The following STARD3 variants were observed in gnomAD, a reference collection of about 807,000 sequenced individuals.
STARD3 encodes stAR-related lipid transfer protein 3.
Under a neutral mutation model 62.0 loss-of-function variants are expected in STARD3, and 39 were observed. That is an observed-to-expected ratio of 0.63 (90% confidence interval 0.49 to 0.82). STARD3 has a LOEUF of 0.82. Ranked by LOEUF, STARD3 falls within the 40% of genes least tolerant of loss-of-function variation. STARD3 has a pLI of 0.00. For synonymous variants in STARD3, 229 were observed against 242.4 expected, an observed-to-expected ratio of 0.94 and a Z score of 0.51; for missense variants, 543 against 584.5, an observed-to-expected ratio of 0.93 and a Z score of 0.73.
Position 39,662,263 on chromosome 17 carries a change from C to T in STARD3, c.1152C>T (p.Gly384=), listed in dbSNP as rs1417313403. 6.2e-7 allele frequency: 1 copy of T among 1,613,854 alleles called. No individual in the cohort carries two copies. The highest frequency in any genetic ancestry group is 8.5e-7 in the Non-Finnish European group (1 of 1,179,926). Reference sequence around the variant, plus strand: ...CCTCTTTCCATAGGGGAGAGAATGGCCCTGGGGGCTTCATCGTGCTCAAGT... The same window carrying T: ...CCTCTTTCCATAGGGGAGAGAATGGTCCTGGGGGCTTCATCGTGCTCAAGT... ...PTHKYVRGEN[G]PGGFIVLKSA... is the part of the protein sequence containing the mutation. The change falls in exon 14 of 15, where the codon GGC becomes GGT. Residue 384 remains glycine (G), a synonymous_variant. Transcript: ENST00000336308.
chr17:39,663,209 C>T lies in STARD3; in HGVS notation c.*301C>T, dbSNP rs1374875192. On this transcript the variant is annotated 3_prime_UTR_variant, in exon 15 of 15. Coordinates refer to ENST00000336308, the MANE Select transcript of STARD3 (RefSeq NM_006804.4). ...GCCAGGGCAGGGTCTGGGCTGGGCA[C>T]CTGACTTGGCTGGGGAGGACCAGGG... The T allele has an allele frequency of 3.6e-5, 15 of 415,112 alleles. No homozygotes were observed. The highest frequency in any genetic ancestry group is 4.7e-5 in the Non-Finnish European group (11 of 236,344). The allele number at this position is 415,112 out of a possible 1,614,324, so 25.7% of individuals were successfully genotyped here.
chr17:39,642,322 T>C (rs2056988985), intron 1 of STARD3, among the ~76,000 whole-genome samples: 1 of 152,184 alleles, frequency 6.6e-6, no homozygotes, highest in Non-Finnish European at 1.5e-5. Flanking sequence ...GATACCCTGC[T>C]TGAGGACCCC....
At position 39,660,143 on chromosome 17, in the gene STARD3, C is replaced by T; in HGVS notation, c.796-68C>T. On this transcript the variant is annotated intron_variant, in intron 9 of 14. Transcript: ENST00000336308. The surrounding 1 kb of genome is among the most constrained non-coding windows in gnomAD (Gnocchi z 4.8). ...TTAAAAACCTGCCCTGCCTGTCACC[C>T]ATTTCTGTGCCACCAGCCCACCCCC... 6.5e-7 allele frequency: 1 copy of T among 1,546,642 alleles called. No individual in the cohort carries two copies. Among genetic ancestry groups the T allele is most frequent in the Non-Finnish European group, 8.9e-7 (1 of 1,119,138 alleles).
chr17:39,651,736 T>A (rs1323822970), intron 1 of STARD3: 3 of 152,166 alleles, frequency 2.0e-5, no homozygotes, highest in Non-Finnish European at 4.4e-5. Context: ...GCTAATTTTT[T>A]ATTTTGTATT....
intron 14 of STARD3, 63 bp from the exon 15 acceptor site, chr17:39,662,741 C>T (rs928544908): frequency 1.1e-4 from 156 of 1,477,128 alleles, no homozygotes; most frequent in Non-Finnish European, 1.4e-4. Context: ...CTGGTGCCAG[C>T]TGCAAGGGGA....
At position 39,658,540 on chromosome 17, in the gene STARD3, G is replaced by C. The variant is rs2057157189; in HGVS notation, c.547+18G>C. The C allele has an allele frequency of 6.2e-7, 1 of 1,607,922 alleles. No individual in the cohort carries two copies. On this transcript the variant is annotated intron_variant, in intron 6 of 14. Coordinates refer to ENST00000336308, the MANE Select transcript of STARD3 (RefSeq NM_006804.4). Reference sequence around the variant, plus strand: ...GGAGCGATGTGAGTGCTTGCGGGTAGGGGGGTGCAGCGAGGGTTACCCACA... The same window carrying C: ...GGAGCGATGTGAGTGCTTGCGGGTACGGGGGTGCAGCGAGGGTTACCCACA...
chr17:39,659,227 C>T (rs914299257), intron 8 of STARD3, 121 bp downstream of exon 8: 1 of 1,282,136 alleles, frequency 7.8e-7, no homozygotes. Context: ...GGGCAATGCC[C>T]ATCCGAGTGT....
chr17:39,645,920 C>T (rs1462209443), intron 1 of STARD3, among the ~76,000 whole-genome samples: 1 of 102,708 alleles, frequency 9.7e-6, no homozygotes, highest in African/African-American at 3.9e-5. Flanking sequence ...GAGATGGAGT[C>T]TCACTCTGTC....
rs1224810898 is a variant in STARD3 at position 39,645,369 on chromosome 17, C to G, written c.-51-8112C>G. Among the ~76,000 whole-genome samples, 7 of 152,234 alleles carry G rather than the reference C, an allele frequency of 4.6e-5. 1 individual carries two copies. Among genetic ancestry groups the G allele is most frequent in the Admixed American group, 4.6e-4 (7 of 15,284 alleles). ...CACACAGCAGGTGAATTGTAGAGTT[C>G]AGATTTGAACCCACGCCTTTTGGGG... On this transcript the variant is annotated intron_variant, in intron 1 of 14. Coordinates refer to ENST00000336308, the MANE Select transcript of STARD3 (RefSeq NM_006804.4).
chr17:39,657,715 C>G, intron 3 of STARD3, 60 bp from the exon 4 acceptor site: 1 of 1,598,464 alleles, frequency 6.3e-7, no homozygotes, highest in Non-Finnish European at 8.6e-7. Context: ...GGGAGGTCAG[C>G]CTGCAGCAGG....
rs774395284 is a variant in STARD3 at position 39,662,887 on chromosome 17, C to T, written c.1317C>T (p.Ser439=). 5 of 1,611,794 alleles carry T rather than the reference C, an allele frequency of 3.1e-6. No individual in the cohort carries two copies. Among genetic ancestry groups the T allele is most frequent in the Non-Finnish European group, 4.2e-6 (5 of 1,179,304 alleles). ...EFAFHLRQRI[S]ELGARA ...CCTTTCACCTGCGACAGCGCATCAGCGAGCTGGGGGCCCGGGCGTGACTGT... is the reference window on the plus strand; with the variant it reads ...CCTTTCACCTGCGACAGCGCATCAGTGAGCTGGGGGCCCGGGCGTGACTGT... Residue 439 remains serine, a synonymous_variant, in exon 15 of 15, where the codon AGC becomes AGT. Transcript: ENST00000336308.
chr17:39,653,714 G>A lies in STARD3; in HGVS notation c.183G>A (p.Leu61=). The A allele has an allele frequency of 6.2e-7, 1 of 1,614,144 alleles. No individual in the cohort carries two copies. Among genetic ancestry groups the A allele is most frequent in the Non-Finnish European group, 8.5e-7 (1 of 1,180,032 alleles). The change falls in exon 2 of 15, where the codon CTG becomes CTA. Residue 61 remains leucine, a synonymous_variant. Coordinates refer to ENST00000336308, the MANE Select transcript of STARD3 (RefSeq NM_006804.4). ...TCTGTCTCTTCGTCACCTTCGACCT[G>A]CTCTTCATCTCCCTGCTCTGGATCA... ...RTFCLFVTFD[L]LFISLLWIIE...
chr17:39,646,587 G>A (rs572747781), intron 1 of STARD3, among the ~76,000 whole-genome samples: 5 of 152,162 alleles, frequency 3.3e-5, no homozygotes, highest in African/African-American at 9.7e-5. Context: ...TGAGGAAACT[G>A]AGTCTCAGAA....
intron 1 of STARD3, chr17:39,652,441 C>T (rs1375846410): frequency 6.6e-6 from 1 of 152,162 alleles, no homozygotes. Context: ...CAATAAAGAT[C>T]GTTTCAGATA....
chr17:39,654,675 G>T (rs1175166815), intron 2 of STARD3, among the ~76,000 whole-genome samples: 1 of 152,200 alleles, frequency 6.6e-6, no homozygotes, highest in African/African-American at 2.4e-5. Flanking sequence ...CTCGGCTTTG[G>T]CCCGATGACC....
chr17:39,646,064 G>A (rs2057023906), intron 1 of STARD3, among the ~76,000 whole-genome samples: 1 of 150,968 alleles, frequency 6.6e-6, no homozygotes, highest in Non-Finnish European at 1.5e-5. Flanking sequence ...GCTATTTTTT[G>A]TAATTTTAGT....
intron 1 of STARD3, among the ~76,000 whole-genome samples, chr17:39,651,208 ACAGT>A (rs1197516789): frequency 3.3e-5 from 5 of 152,110 alleles, no homozygotes; most frequent in South Asian, 2.1e-4. Flanking sequence ...TCTGCTGCAA[ACAGT>A]CAGTTCCTGT....
At chr17:39,638,206 C>T (rs539136140) in intron 1 of STARD3, among the ~76,000 whole-genome samples, 39 of 152,338 alleles carry the variant, frequency 2.6e-4, no homozygotes, top group Middle Eastern at 3.4e-3. Flanking sequence ...CTTCTGTTAC[C>T]ACGCTGTTGA....
intron 1 of STARD3, among the ~76,000 whole-genome samples, chr17:39,638,673 G>A (rs2144876574): frequency 6.6e-6 from 1 of 152,336 alleles, no homozygotes; most frequent in Non-Finnish European, 1.5e-5. Context: ...CAGACTCCTG[G>A]ATCAGACTGC....
Sources: gnomAD v4.1 joint callset for allele counts (sites outside exome capture counted in the v4.1 genomes callset) on GRCh38, gnomAD v4.1.1 for gene constraint, Gnocchi (gnomAD v3.1) non-coding constraint, MANE v1.5 for transcripts, NCBI Gene and HGNC (gene_info 2026-07-23, HGNC 2026-07-21) for gene names.